RAD51AP2: variants seen among roughly 807,000 people sequenced by gnomAD.
RAD51AP2 encodes the protein RAD51-associated protein 2.
A neutral mutation model predicts 85.5 loss-of-function variants in RAD51AP2; 67 were observed. That is an observed-to-expected ratio of 0.78 (90% CI 0.64 to 0.96). RAD51AP2 has a LOEUF of 0.96. Ranked by LOEUF, RAD51AP2 falls within the 40% of genes least tolerant of loss-of-function variation. RAD51AP2 has a pLI of 0.00. For missense variants in RAD51AP2, 1,307 were observed against 1,332.4 expected (o/e 0.98, Z 0.30); for synonymous variants, 474 against 446.5 (o/e 1.06, Z -0.78).
At chr2:17,537,555 C>T in the RAD51AP2 span, among the ~76,000 whole-genome samples, 42,124 of 151,908 alleles carry the variant, frequency 0.28, 6,576 homozygotes, top group Middle Eastern at 0.36. Flanking sequence ...AAAATATCCC[C>T]ATGCCTTAAG....
At position 17,517,806 on chromosome 2, in the gene RAD51AP2, G is replaced by C. The variant is rs752639416; in HGVS notation, c.610C>G (p.Pro204Ala). The change falls in exon 1 of 3, where the codon CCA (proline) becomes GCA (alanine). Residue 204 changes from proline to alanine, a missense_variant. Coordinates refer to ENST00000399080, the MANE Select transcript of RAD51AP2 (RefSeq NM_001099218.3). ...CATCTGTTCTTAATTTCATGAAATG[G>C]TGATTTAGTTTCCTTGTAAAAGGTA... is the stretch of plus-strand genomic sequence containing the variant. The part of the protein sequence containing the change: ...DVTFYKETKS[P>A]FHEIKNRCKA... The C allele has an allele frequency of 1.9e-6, 3 of 1,614,078 alleles. No homozygotes were observed. The Admixed American group carries it at 5.0e-5, about 27-fold the overall frequency.
chr2:17,522,569 T>A (rs1006203177), upstream of RAD51AP2, among the ~76,000 whole-genome samples: 4 of 152,044 alleles, frequency 2.6e-5, no homozygotes, highest in Admixed American at 1.3e-4. Flanking sequence ...TTCCACTATT[T>A]ACAACATCCA....
chr2:17,514,216 G>T (rs1222952604), intron 1 of RAD51AP2, 124 bp from the exon 2 acceptor site: 1 of 739,018 alleles, frequency 1.4e-6, no homozygotes, highest in Non-Finnish European at 2.3e-6. Flanking sequence ...GAAAAATGAA[G>T]TAGGACTCTT....
At chr2:17,514,719 G>A (rs1341560953) in intron 1 of RAD51AP2, among the ~76,000 whole-genome samples, 4 of 152,150 alleles carry the variant, frequency 2.6e-5, no homozygotes, top group South Asian at 2.1e-4. Context: ...ACAGTGAGCC[G>A]AGATTGTGCC....
the RAD51AP2 span, among the ~76,000 whole-genome samples, chr2:17,529,374 T>A: frequency 6.6e-6 from 1 of 152,022 alleles, no homozygotes. Context: ...GTATGAATTA[T>A]AAATAAAATT....
rs780228921 is a variant in RAD51AP2 at position 17,516,793 on chromosome 2, T to C, written c.1623A>G (p.Gln541=). The C allele has an allele frequency of 3.9e-6, 6 of 1,553,078 alleles. No individual in the cohort carries two copies. The African/African-American group carries it at 6.9e-5, about 18-fold the overall frequency. Residue 541 remains glutamine, a synonymous_variant, in exon 1 of 3, where the codon CAA becomes CAG. Coordinates refer to ENST00000399080, the MANE Select transcript of RAD51AP2 (RefSeq NM_001099218.3). ...TCCNILKCKK[Q]IGIIGIQNLI... Reference sequence around the variant, plus strand: ...GATTTTGAATACCAATTATACCAATTTGCTTTTTACACTTCAAAATGTTAC... The same window carrying C: ...GATTTTGAATACCAATTATACCAATCTGCTTTTTACACTTCAAAATGTTAC...
upstream of RAD51AP2, chr2:17,518,473 C>G (rs1572300904): frequency 6.4e-7 from 1 of 1,552,858 alleles, no homozygotes; most frequent in Non-Finnish European, 8.7e-7. Flanking sequence ...CCTTAATAGG[C>G]GGTTCCGGGC....
chr2:17,514,166 A>G, intron 1 of RAD51AP2, 74 bp from the exon 2 acceptor site: 3 of 853,910 alleles, frequency 3.5e-6, no homozygotes, highest in Non-Finnish European at 5.6e-6. Flanking sequence ...AACAAATTAT[A>G]TTTTCAGAAA....
chr2:17,533,404 T>C, the RAD51AP2 span, among the ~76,000 whole-genome samples: 1 of 152,246 alleles, frequency 6.6e-6, no homozygotes. Context: ...TATGATTGCA[T>C]TTGACTTTAC....
chr2:17,528,134 G>A, the RAD51AP2 span, among the ~76,000 whole-genome samples: 1 of 152,066 alleles, frequency 6.6e-6, no homozygotes, highest in African/African-American at 2.4e-5. Context: ...AGTGTGGTTG[G>A]CTTGGTTTTA....
chr2:17,534,280 G>C, the RAD51AP2 span, among the ~76,000 whole-genome samples: 2 of 152,258 alleles, frequency 1.3e-5, no homozygotes, highest in Non-Finnish European at 2.9e-5. Flanking sequence ...AAAACAAAGT[G>C]AGCCAAATAT....
chr2:17,517,689 AGCT>A lies in RAD51AP2; in HGVS notation c.724_726del (p.Ser242del), dbSNP rs766279530. The A allele has an allele frequency of 3.1e-6, 5 of 1,613,162 alleles. No homozygotes were observed. The highest frequency in any genetic ancestry group is 4.2e-6 in the Non-Finnish European group (5 of 1,179,800). On this transcript the variant is annotated inframe_deletion, in exon 1 of 3. Coordinates refer to ENST00000399080, the MANE Select transcript of RAD51AP2 (RefSeq NM_001099218.3). ...AAATAGCTAGGTTTGGCAATTTCCA[AGCT>A]GGGCTGGTTTTGAGATTTTGATATT...
At position 17,517,194 on chromosome 2, in the gene RAD51AP2, C is replaced by T. The variant is rs1184137165; in HGVS notation, c.1222G>A (p.Gly408Arg). 5 of 1,612,174 alleles carry T rather than the reference C, an allele frequency of 3.1e-6. No homozygotes were observed. Among genetic ancestry groups the T allele is most frequent in the Middle Eastern group, 1.6e-4 (1 of 6,074 alleles). Residue 408 changes from glycine (G) to arginine (R), a missense_variant, in exon 1 of 3, where the codon GGA (glycine) becomes AGA (arginine). This residue lies in a region of RAD51AP2 where 635 missense variants were observed against 643.6 expected (regional missense o/e 0.99). Coordinates refer to ENST00000399080, the MANE Select transcript of RAD51AP2 (RefSeq NM_001099218.3). ...CAATTATTTATAATCCAACAATTTC[C>T]TCTATTTCTTCTCAAAATATGTCTA... The part of the protein sequence containing the change: ...NVRHILRRNR[G>R]NCWIINNCKT...
upstream of RAD51AP2, among the ~76,000 whole-genome samples, chr2:17,520,336 A>C (rs1662831354): frequency 6.6e-6 from 1 of 152,176 alleles, no homozygotes; most frequent in South Asian, 2.1e-4. Flanking sequence ...CCACCTAGAA[A>C]ATGAACCAGT....
chr2:17,536,065 G>A, the RAD51AP2 span, among the ~76,000 whole-genome samples: 1 of 151,630 alleles, frequency 6.6e-6, no homozygotes, highest in Non-Finnish European at 1.5e-5. Context: ...TCTCTGAGGG[G>A]GCATAGAAAT....
chr2:17,526,670 G>A, the RAD51AP2 span, among the ~76,000 whole-genome samples: 2 of 152,118 alleles, frequency 1.3e-5, no homozygotes, highest in Non-Finnish European at 2.9e-5. Context: ...GATGTCTGCA[G>A]GAGACTTTGG....
rs1662760546 is a variant in RAD51AP2, at chr2:17,518,347, A to C, written c.69T>G (p.Pro23=). 4 of 1,613,936 alleles carry C rather than the reference A, an allele frequency of 2.5e-6. No homozygotes were observed. Among genetic ancestry groups the C allele is most frequent in the Non-Finnish European group, 3.4e-6 (4 of 1,179,902 alleles). Residue 23 remains proline, a synonymous_variant, in exon 1 of 3, where the codon CCT becomes CCG. Transcript: ENST00000399080. The part of the protein sequence containing the change: ...LRKPTSSLTP[P]EDPDSQPPSS... ...TAGGTGGTTGGGAATCCGGGTCCTC[A>C]GGAGGCGTTAAAGAGGAGGTAGGCT...
the RAD51AP2 span, among the ~76,000 whole-genome samples, chr2:17,528,694 T>C: frequency 1.3e-5 from 2 of 152,212 alleles, no homozygotes; most frequent in African/African-American, 4.8e-5. Context: ...ATTTTAAAAA[T>C]TAGCCTGGCA....
At chr2:17,520,767 T>TA (rs1485543483), upstream of RAD51AP2, among the ~76,000 whole-genome samples, 29 of 135,740 alleles carry the variant, frequency 2.1e-4, no homozygotes, top group East Asian at 1.8e-3. Flanking sequence ...TTTTTTTTTT[T>TA]TAAACAATTT....
Sources: gnomAD v4.1 joint callset for allele counts (sites outside exome capture counted in the v4.1 genomes callset) on GRCh38, gnomAD v4.1.1 for gene constraint, gnomAD v4.1.1 regional missense constraint, MANE v1.5 for transcripts, NCBI Gene and HGNC (gene_info 2026-07-23, HGNC 2026-07-21) for gene names.